Variants in CACNA1S observed in about 807,000 individuals in gnomAD.
CACNA1S encodes the protein calcium voltage-gated channel subunit alpha1 S, also known as voltage-dependent L-type calcium channel subunit alpha-1S.
CACNA1S carries 126 observed loss-of-function variants against 207.4 expected under a neutral mutation model. The observed-to-expected ratio is 0.61, with a 90% CI of 0.53 to 0.70. CACNA1S has a LOEUF of 0.70. CACNA1S is among the 30% of genes least tolerant of loss of function. CACNA1S has a pLI of 0.00. For synonymous variants in CACNA1S, 960 were observed against 932.7 expected, an observed-to-expected ratio of 1.03 and a Z score of -0.53; for missense variants, 2,349 against 2,422.8, an observed-to-expected ratio of 0.97 and a Z score of 0.64.
rs147382463 is a variant in CACNA1S at position 201,110,241 on chromosome 1, T to C, written c.181A>G (p.Ile61Val). ...GCCAGGGCCACACAATTGGCAAAGA[T>C]GGTGAGCAAGATGATCGTCTCGAAG... ...KPFETIILLT[I>V]FANCVALAVY... The change falls in exon 2 of 44, where the codon ATC (isoleucine) becomes GTC (valine). Residue 61 changes from isoleucine to valine, a missense_variant. Ile to Val is a conservative substitution (Grantham distance 29). Transcript: ENST00000362061. The C allele has an allele frequency of 1.4e-5, 23 of 1,613,980 alleles. No homozygotes were observed. In the African/African-American group the frequency reaches 3.1e-4, roughly 22 times the overall value.
intron 5 of CACNA1S, 48 bp from the exon 6 acceptor site, chr1:201,089,511 C>A (rs1662156254): frequency 6.4e-7 from 1 of 1,572,802 alleles, no homozygotes; most frequent in African/African-American, 1.3e-5. Context: ...AGTAGGTGGA[C>A]AACGACAGGA....
intron 2 of CACNA1S, among the ~76,000 whole-genome samples, chr1:201,102,700 T>C (rs537573397): frequency 3.2e-4 from 49 of 152,328 alleles, no homozygotes; most frequent in African/African-American, 1.0e-3. Flanking sequence ...GAGGGATTAA[T>C]TTCTCCAGGA....
chr1:201,107,270 T>C (rs1429140930), intron 2 of CACNA1S, among the ~76,000 whole-genome samples: 2 of 152,368 alleles, frequency 1.3e-5, no homozygotes, highest in Admixed American at 1.3e-4. Context: ...AGGTGGCACT[T>C]GTGTGAGCTG....
intron 10 of CACNA1S, among the ~76,000 whole-genome samples, chr1:201,081,678 T>C (rs1325396994): frequency 6.6e-6 from 1 of 152,200 alleles, no homozygotes; most frequent in African/African-American, 2.4e-5. Context: ...CATGTGGAAA[T>C]GTAATTCCCA....
intron 10 of CACNA1S, among the ~76,000 whole-genome samples, chr1:201,080,353 A>C (rs1393084080): frequency 6.6e-6 from 1 of 151,892 alleles, no homozygotes; most frequent in Admixed American, 6.6e-5. Context: ...ATTTATCTGC[A>C]TAGGTCACAA....
Position 201,110,305 on chromosome 1 carries a change from C to G in CACNA1S, c.153-36G>C, listed in dbSNP as rs771290036. 8 of 1,582,094 alleles carry G rather than the reference C, an allele frequency of 5.1e-6. No homozygotes were observed. In the Admixed American group the frequency reaches 1.0e-4, roughly 20 times the overall value. On this transcript the variant is annotated intron_variant, in intron 1 of 43. Transcript: ENST00000362061. ...GGTTAAGGAGAGCCCTCGAGTGAGG[C>G]AAGGGACTTACAGGGTTAAGGGGAT...
At chr1:201,085,683 C>T (rs551775568) in intron 7 of CACNA1S, 102 bp from the exon 8 acceptor site, 34 of 1,412,730 alleles carry the variant, frequency 2.4e-5, no homozygotes, top group African/African-American at 2.3e-4. Context: ...GTGACTGGAG[C>T]GCTCCTTTTT....
At position 201,085,565 on chromosome 1, in the gene CACNA1S, G is replaced by T. The variant is rs1231520102; in HGVS notation, c.1021C>A (p.Arg341=). The change falls in exon 8 of 44, where the codon CGG becomes AGG. Residue 341 remains arginine (R), a synonymous_variant. Transcript: ENST00000362061. ...GTTCCCCTGGACTTGGCCTTCTCCC[G>T]CTCCTTGGTGAATTCCCTGAAATGA... is the stretch of plus-strand genomic sequence containing the variant. ...GVLSGEFTKE[R]EKAKSRGTFQ... 3 of 1,613,496 alleles carry T rather than the reference G, an allele frequency of 1.9e-6. No homozygotes were observed. The highest frequency in any genetic ancestry group is 3.3e-5 in the Admixed American group (2 of 59,936).
chr1:201,052,665 G>T lies in CACNA1S; in HGVS notation c.3862-17C>A, dbSNP rs771092318. Reference sequence around the variant, plus strand: ...CCCAAACATCTGCAAGTCACAAAGGGCCCTGACTGTGGAACCTAGATTAAA... The same window carrying T: ...CCCAAACATCTGCAAGTCACAAAGGTCCCTGACTGTGGAACCTAGATTAAA... On this transcript the variant is annotated splice_polypyrimidine_tract_variant and intron_variant, in intron 31 of 43. Transcript: ENST00000362061. The T allele has an allele frequency of 6.9e-6, 11 of 1,598,934 alleles. No individual in the cohort carries two copies. Among genetic ancestry groups the T allele is most frequent in the African/African-American group, 2.7e-5 (2 of 74,512 alleles).
chr1:201,092,788 AT>A (rs1470691896), intron 3 of CACNA1S, among the ~76,000 whole-genome samples: 12 of 152,240 alleles, frequency 7.9e-5, no homozygotes, highest in Non-Finnish European at 1.5e-4. Flanking sequence ...GATTCACAGA[AT>A]TCTTCTATTT....
intron 2 of CACNA1S, among the ~76,000 whole-genome samples, chr1:201,107,068 G>A (rs1453097169): frequency 6.6e-6 from 1 of 152,262 alleles, no homozygotes; most frequent in Non-Finnish European, 1.5e-5. Context: ...TAGAGGCAGG[G>A]AGATGGCAGA....
chr1:201,103,385 C>A (rs1008863619), intron 2 of CACNA1S, among the ~76,000 whole-genome samples: 1 of 152,142 alleles, frequency 6.6e-6, no homozygotes. Flanking sequence ...TCCTTTCCTG[C>A]GACTCCCCAG....
At chr1:201,067,337 T>C (rs903038033) in intron 19 of CACNA1S, among the ~76,000 whole-genome samples, 12 of 152,270 alleles carry the variant, frequency 7.9e-5, no homozygotes, top group Admixed American at 1.3e-4. Context: ...CCTGGAAAGC[T>C]TCTTGGGCAA....
At position 201,110,144 on chromosome 1, in the gene CACNA1S, G is replaced by A; in HGVS notation, c.258+20C>T. The A allele has an allele frequency of 1.9e-6, 3 of 1,606,938 alleles. No homozygotes were observed. Among genetic ancestry groups the A allele is most frequent in the Non-Finnish European group, 1.7e-6 (2 of 1,173,372 alleles). On this transcript the variant is annotated intron_variant, in intron 2 of 43. Coordinates refer to ENST00000362061, the MANE Select transcript of CACNA1S (RefSeq NM_000069.3). ...GGGGCTGCAGGCTCGCAGGAAGGGAGATGGAAGGGCCAATCTTACCAGGCC... is the reference window on the plus strand; with the variant it reads ...GGGGCTGCAGGCTCGCAGGAAGGGAAATGGAAGGGCCAATCTTACCAGGCC...
Position 201,070,345 on chromosome 1 carries a change from C to T in CACNA1S, c.2287G>A (p.Glu763Lys). Residue 763 changes from glutamate to lysine, a missense_variant, in exon 17 of 44, where the codon GAG (glutamate) becomes AAG (lysine). By Grantham distance (56) the Glu-to-Lys change is moderately conservative (BLOSUM62 1). Transcript: ENST00000362061. ...ACGGCCTTCTCTTTCAGCTGCAGCT[C>T]AGCCAGGGGACGTGGTCGGGGGCTC... ...PLSPRPRPLA[E>K]LQLKEKAVPI... 6.2e-7 allele frequency: 1 copy of T among 1,614,122 alleles called. No homozygotes were observed. Among genetic ancestry groups the T allele is most frequent in the Non-Finnish European group, 8.5e-7 (1 of 1,180,030 alleles).
At position 201,052,871 on chromosome 1, in the gene CACNA1S, G is replaced by A. The variant is rs78775906; in HGVS notation, c.3862-223C>T. 0.01 allele frequency among the ~76,000 whole-genome samples: 1,535 copies of A among 152,066 alleles called. 15 individuals carry two copies. Among genetic ancestry groups the A allele is most frequent in the Non-Finnish European group, 0.018 (1,201 of 67,984 alleles). ...CAAAGAAAAGAGGGAGGGTAGACCC[G>A]TTTTCCCAGCAGCAAGCAGACCCGG... On this transcript the variant is annotated intron_variant, in intron 31 of 43. Coordinates refer to ENST00000362061, the MANE Select transcript of CACNA1S (RefSeq NM_000069.3).
In CACNA1S at chr1:201,107,772, G is replaced by T. The variant is rs112372655; in HGVS notation, c.258+2392C>A. ...GGGTTTTGTGGACATGAACAGTGAG[G>T]ACCCCTGAGCTCGAAGGTGGCTGAG... On this transcript the variant is annotated intron_variant, in intron 2 of 43. Coordinates refer to ENST00000362061, the MANE Select transcript of CACNA1S (RefSeq NM_000069.3). Among the ~76,000 whole-genome samples the T allele has an allele frequency of 5.2e-3, 791 of 152,226 alleles. 3 individuals carry two copies. Among genetic ancestry groups the T allele is most frequent in the African/African-American group, 0.018 (763 of 41,518 alleles).
chr1:201,045,122 A>G (rs1311673476), intron 38 of CACNA1S, among the ~76,000 whole-genome samples: 2 of 152,212 alleles, frequency 1.3e-5, no homozygotes, highest in African/African-American at 4.8e-5. Flanking sequence ...AGCAAAGTTA[A>G]TATCACCAGT....
At chr1:201,102,579 C>G (rs552064137) in intron 2 of CACNA1S, among the ~76,000 whole-genome samples, 1 of 152,326 alleles carries the variant, frequency 6.6e-6, no homozygotes, top group East Asian at 1.9e-4. Flanking sequence ...ATACCCAACA[C>G]GCATCCCAGT....
Sources: allele counts gnomAD v4.1 joint callset (sites outside exome capture counted in the v4.1 genomes callset), GRCh38; gene constraint gnomAD v4.1.1; transcripts MANE v1.5; gene names NCBI Gene and HGNC (gene_info 2026-07-23, HGNC 2026-07-21).